PCDHGB7: variants seen among roughly 807,000 people sequenced by gnomAD.
The protein encoded by PCDHGB7 is protocadherin gamma subfamily B, 7.
In PCDHGB7, 37 loss-of-function variants were observed where a neutral mutation model predicts 61.4. That is an observed-to-expected ratio of 0.60 (90% CI 0.46 to 0.79). The LOEUF (loss-of-function observed/expected upper bound fraction) is 0.79, where lower values mean the gene tolerates loss of function less well. Ranked by LOEUF, PCDHGB7 falls within the 30% of genes least tolerant of loss-of-function variation. The pLI, the probability that PCDHGB7 is intolerant of heterozygous loss-of-function variation, is 0.00. For missense variants in PCDHGB7, 1,166 were observed against 1,202.5 expected (o/e 0.97, Z 0.45); for synonymous variants, 464 against 503.5 (o/e 0.92, Z 1.05).
chr5:141,490,200 A>G lies in PCDHGB7; in HGVS notation c.2416-4607A>G. 6.2e-6 allele frequency: 10 copies of G among 1,614,198 alleles called. No homozygotes were observed. The highest frequency in any genetic ancestry group is 8.5e-6 in the Non-Finnish European group (10 of 1,180,032). ...AGTCACGTTTCTATGAAATTCATGC[A>G]AGAGCCCGTGACCAGGGACAGCCTG... On this transcript the variant is annotated intron_variant, in intron 1 of 3. Coordinates refer to ENST00000398594, the MANE Select transcript of PCDHGB7 (RefSeq NM_018927.4). The surrounding 1 kb of genome is among the most constrained non-coding windows in gnomAD (Gnocchi z 5.4).
rs1163950013 is a variant in PCDHGB7 at position 141,512,955 on chromosome 5, A to G, written c.*1782A>G. 2 of 152,234 alleles carry G rather than the reference A, an allele frequency of 1.3e-5. No homozygotes were observed. The highest frequency in any genetic ancestry group is 2.9e-5 in the Non-Finnish European group (2 of 68,046). The allele number at this position is 152,234 out of a possible 1,614,324, so 9.4% of individuals were successfully genotyped here. ...GCTTTTTTTCTTCGACAAAAAAATA[A>G]TAAAACGTTTCTTCTGAAAAGCTGA... On this transcript the variant is annotated 3_prime_UTR_variant, in exon 4 of 4. Coordinates refer to ENST00000398594, the MANE Select transcript of PCDHGB7 (RefSeq NM_018927.4).
chr5:141,496,152 C>T (rs771462960), intron 2 of PCDHGB7, among the ~76,000 whole-genome samples: 2 of 152,080 alleles, frequency 1.3e-5, no homozygotes, highest in Non-Finnish European at 1.5e-5. Flanking sequence ...GATCGCAGCT[C>T]TCCACCAGAC....
At chr5:141,480,240 CAA>C (rs11374694) in intron 1 of PCDHGB7, among the ~76,000 whole-genome samples, 8 of 114,006 alleles carry the variant, frequency 7.0e-5, no homozygotes, top group Non-Finnish European at 7.5e-5. Flanking sequence ...CCTGTCTCTA[CAA>C]AAAAAAAAAA....
chr5:141,422,762 C>A (rs745320796), intron 1 of PCDHGB7: 1 of 1,613,392 alleles, frequency 6.2e-7, no homozygotes, highest in Admixed American at 1.7e-5. Context: ...AACTCCAACA[C>A]TGGTGTTCTC....
chr5:141,496,533 G>A (rs2099769399), intron 2 of PCDHGB7, among the ~76,000 whole-genome samples: 2 of 152,176 alleles, frequency 1.3e-5, no homozygotes, highest in Admixed American at 1.3e-4. Context: ...GTGTATGGCA[G>A]AGATTCCAGC....
At chr5:141,480,298 C>G (rs1238380283) in intron 1 of PCDHGB7, among the ~76,000 whole-genome samples, 1 of 132,676 alleles carries the variant, frequency 7.5e-6, no homozygotes, top group Non-Finnish European at 1.6e-5. Flanking sequence ...ACCTGTGGTA[C>G]CAGCTACTTG....
In PCDHGB7 at chr5:141,432,670, G is replaced by C; in HGVS notation, c.2415+12396G>C. On this transcript the variant is annotated intron_variant, in intron 1 of 3. Transcript: ENST00000398594. The surrounding 1 kb of genome is among the most constrained non-coding windows in gnomAD (Gnocchi z 6.0). ...CGCGAGCCCTGCTGGACAGAGACGCGCTCAAGCAGAGCCTCGTAGTGGCCG... is the reference window on the plus strand; with the variant it reads ...CGCGAGCCCTGCTGGACAGAGACGCCCTCAAGCAGAGCCTCGTAGTGGCCG... 1 of 1,613,868 alleles carries C rather than the reference G, an allele frequency of 6.2e-7. No homozygotes were observed. The highest frequency in any genetic ancestry group is 8.5e-7 in the Non-Finnish European group (1 of 1,179,940).
At chr5:141,478,165 C>T (rs780594020) in intron 1 of PCDHGB7, 18 of 1,613,920 alleles carry the variant, frequency 1.1e-5, no homozygotes, top group Non-Finnish European at 1.5e-5. Context: ...GCTCTGCCCC[C>T]CGGGAGCAGA....
In PCDHGB7 at chr5:141,419,524, T is replaced by C. The variant is rs1400473876; in HGVS notation, c.1665T>C (p.Arg555=). 4 of 1,612,164 alleles carry C rather than the reference T, an allele frequency of 2.5e-6. No individual in the cohort carries two copies. The highest frequency in any genetic ancestry group is 3.4e-6 in the Non-Finnish European group (4 of 1,179,492). Reference sequence around the variant, plus strand: ...GCCTGCGCGTGTTGGTGGGCGACCGTAACGACAACGCACCGCGGGTGCTGT... The same window carrying C: ...GCCTGCGCGTGTTGGTGGGCGACCGCAACGACAACGCACCGCGGGTGCTGT... ...NVSLRVLVGD[R]NDNAPRVLYP... Residue 555 remains arginine, a synonymous_variant, in exon 1 of 4, where the codon CGT becomes CGC. Coordinates refer to ENST00000398594, the MANE Select transcript of PCDHGB7 (RefSeq NM_018927.4).
At chr5:141,421,993 A>G in intron 1 of PCDHGB7, 1 of 1,609,190 alleles carries the variant, frequency 6.2e-7, no homozygotes, top group South Asian at 1.1e-5. Flanking sequence ...TCCAGAAAAC[A>G]TCAGCTCCGG....
chr5:141,492,146 C>T (rs979485619), intron 1 of PCDHGB7, among the ~76,000 whole-genome samples: 3 of 152,242 alleles, frequency 2.0e-5, no homozygotes, highest in African/African-American at 4.8e-5. Flanking sequence ...TGTGACTTCA[C>T]TGTTACCCTC....
Position 141,432,811 on chromosome 5 carries a change from T to G in PCDHGB7, c.2415+12537T>G. Reference sequence around the variant, plus strand: ...GCAGCCTCGAGTCTCCAGCTAACTCTGAAACCTCAGACCTCACTCTGTACC... The same window carrying G: ...GCAGCCTCGAGTCTCCAGCTAACTCGGAAACCTCAGACCTCACTCTGTACC... On this transcript the variant is annotated intron_variant, in intron 1 of 3. Transcript: ENST00000398594. The surrounding 1 kb of genome is among the most constrained non-coding windows in gnomAD (Gnocchi z 6.0). 1 of 1,614,126 alleles carries G rather than the reference T, an allele frequency of 6.2e-7. No homozygotes were observed. Among genetic ancestry groups the G allele is most frequent in the Non-Finnish European group, 8.5e-7 (1 of 1,179,988 alleles).
At chr5:141,423,499 G>T (rs1590485367) in intron 1 of PCDHGB7, 1 of 1,613,966 alleles carries the variant, frequency 6.2e-7, no homozygotes, top group Non-Finnish European at 8.5e-7. Context: ...TTCCCACGAG[G>T]TCTCTCTCAT....
Position 141,464,284 on chromosome 5 carries a change from A to C in PCDHGB7, c.2416-30523A>C, listed in dbSNP as rs1237360752. ...CGTCTAAAAAAAAAAAAAAGCAAAA[A>C]AAAAAACTCCATTGTATGTGCACAT... On this transcript the variant is annotated intron_variant, in intron 1 of 3. Coordinates refer to ENST00000398594, the MANE Select transcript of PCDHGB7 (RefSeq NM_018927.4). 4.0e-5 allele frequency among the ~76,000 whole-genome samples: 6 copies of C among 151,546 alleles called. No individual in the cohort carries two copies. The South Asian group carries it at 1.0e-3, about 26-fold the overall frequency.
At chr5:141,478,425 A>G (rs1454100826) in intron 1 of PCDHGB7, 1 of 1,613,542 alleles carries the variant, frequency 6.2e-7, no homozygotes, top group African/African-American at 1.3e-5. Context: ...CGCCGCAGCG[A>G]CCCGCTGCTG....
intron 1 of PCDHGB7, chr5:141,421,725 C>T: frequency 6.2e-7 from 1 of 1,613,960 alleles, no homozygotes; most frequent in Non-Finnish European, 8.5e-7. Context: ...TGGGCGTGAA[C>T]TCCCTCCAGA....
At chr5:141,505,344 AGCT>A in intron 2 of PCDHGB7, 46 bp from the exon 3 acceptor site, 1 of 1,613,046 alleles carries the variant, frequency 6.2e-7, no homozygotes, top group South Asian at 1.1e-5. Flanking sequence ...GAGGGGCATG[AGCT>A]GTGCCGGCCT....
At chr5:141,424,357 G>A (rs1171882619) in intron 1 of PCDHGB7, 1 of 152,122 alleles carries the variant, frequency 6.6e-6, no homozygotes, top group Non-Finnish European at 1.5e-5. Context: ...ATAAAATTTA[G>A]ATCACATTTT....
In PCDHGB7 at chr5:141,423,270, T is replaced by G. The variant is rs1304998648; in HGVS notation, c.2415+2996T>G. 3 of 1,613,686 alleles carry G rather than the reference T, an allele frequency of 1.9e-6. No homozygotes were observed. The African/African-American group carries it at 4.0e-5, about 22-fold the overall frequency. ...TGGCGGACCTCGGCAGCCTCGAGTC[T>G]CTGGCTAACTCTGAAACCTCAGACC... is the stretch of plus-strand genomic sequence containing the variant. On this transcript the variant is annotated intron_variant, in intron 1 of 3. Transcript: ENST00000398594.
Sources: gnomAD v4.1 joint callset for allele counts (sites outside exome capture counted in the v4.1 genomes callset) on GRCh38, gnomAD v4.1.1 for gene constraint, Gnocchi (gnomAD v3.1) non-coding constraint, MANE v1.5 for transcripts, NCBI Gene and HGNC (gene_info 2026-07-23, HGNC 2026-07-21) for gene names.